The following IL17REL variants were observed in gnomAD, a reference collection of about 807,000 sequenced individuals.
IL17REL encodes interleukin-17 receptor E-like protein.
In IL17REL, 36 loss-of-function variants were observed where a neutral mutation model predicts 49.0. The ratio of observed to expected loss-of-function variants is 0.73; its 90% CI spans 0.56 to 0.97. The LOEUF (loss-of-function observed/expected upper bound fraction) is 0.97. IL17REL is among the 50% of genes least tolerant of loss of function. IL17REL has a pLI of 0.00. For missense variants in IL17REL, 470 were observed against 453.9 expected, an observed-to-expected ratio of 1.04 and a Z score of -0.32; for synonymous variants, 206 against 192.4, an observed-to-expected ratio of 1.07 and a Z score of -0.58.
In IL17REL at chr22:49,998,814, C is replaced by T. The variant is rs938088453; in HGVS notation, c.601+477G>A. Among the ~76,000 whole-genome samples, 5 of 145,394 alleles carry T rather than the reference C, an allele frequency of 3.4e-5. No individual in the cohort carries two copies. The South Asian group carries it at 8.8e-4, about 26-fold the overall frequency. On this transcript the variant is annotated intron_variant, in intron 7 of 12. Transcript: ENST00000341280. ...GCGTATGCATGGGTGTGCCTGCCTGCGCGTGGGTGTGCGTGTGCATGTGTA... is the reference window on the plus strand; with the variant it reads ...GCGTATGCATGGGTGTGCCTGCCTGTGCGTGGGTGTGCGTGTGCATGTGTA...
chr22:49,997,987 C>T (rs1343733261), intron 9 of IL17REL, 38 bp downstream of exon 11: 1 of 1,592,970 alleles, frequency 6.3e-7, no homozygotes, highest in Non-Finnish European at 8.5e-7. Flanking sequence ...CTGGCCCCTC[C>T]CCAAATAGGG....
In IL17REL at chr22:49,999,520, C is replaced by T. The variant is rs191055360; in HGVS notation, c.475-18G>A. 2.9e-3 allele frequency: 3,867 copies of T among 1,333,150 alleles called. 72 individuals are homozygous for T. In the African/African-American group the frequency reaches 0.048, roughly 17 times the overall value. The allele number at this position is 1,333,150 out of a possible 1,614,324, so 82.6% of individuals were successfully genotyped here. ...GCGGTCACCTGCAACCCAGAAAGGG[C>T]GGCTGAGGGGCCGCGCGGGAGGGCG... is the stretch of plus-strand genomic sequence containing the variant. On this transcript the variant is annotated intron_variant, in intron 5 of 12. Coordinates refer to ENST00000341280, the Ensembl canonical transcript of IL17REL.
downstream of IL17REL, among the ~76,000 whole-genome samples, chr22:49,994,349 C>T (rs914366185): frequency 2.6e-5 from 4 of 151,780 alleles, no homozygotes; most frequent in African/African-American, 9.7e-5. Context: ...AGACCCGGCA[C>T]CTCCCCTGAG....
Position 49,999,389 on chromosome 22 carries a change from C to T in IL17REL, c.546+42G>A, listed in dbSNP as rs752132627. 31 of 1,612,666 alleles carry T rather than the reference C, an allele frequency of 1.9e-5. No individual in the cohort carries two copies. The South Asian group carries it at 3.0e-4, about 15-fold the overall frequency. On this transcript the variant is annotated intron_variant, in intron 6 of 12. Coordinates refer to ENST00000341280, the Ensembl canonical transcript of IL17REL. ...TCAGCGCAGCCCACCCATCCCTGTG[C>T]TCCCCTCACCCGCCCCAAGTCCAGG...
upstream of IL17REL, among the ~76,000 whole-genome samples, chr22:50,010,617 G>A (rs2061134289): frequency 6.6e-6 from 1 of 152,360 alleles, no homozygotes; most frequent in Admixed American, 6.5e-5. Context: ...GTGGGCTGGA[G>A]AGGCGAAGGG....
intron 7 of IL17REL, among the ~76,000 whole-genome samples, chr22:49,998,514 CTA>C (rs2061051650): frequency 6.8e-6 from 1 of 147,514 alleles, no homozygotes; most frequent in African/African-American, 2.5e-5. Flanking sequence ...GTGCGTGCGC[CTA>C]TGTGTGTGCC....
chr22:50,010,883 G>A (rs1365085088), upstream of IL17REL, among the ~76,000 whole-genome samples: 1 of 151,798 alleles, frequency 6.6e-6, no homozygotes, highest in Non-Finnish European at 1.5e-5. Context: ...CGTGCTTCTC[G>A]GGGCTTCCCA....
upstream of IL17REL, among the ~76,000 whole-genome samples, chr22:50,009,687 C>G (rs1255322447): frequency 2.6e-5 from 4 of 152,230 alleles, no homozygotes; most frequent in Non-Finnish European, 5.9e-5. Context: ...ACCTGGACTT[C>G]TGCTCCTAGC....
In IL17REL at chr22:50,000,870, G is replaced by T. The variant is rs1265809394; in HGVS notation, c.110-7C>A. On this transcript the variant is annotated splice_polypyrimidine_tract_variant and splice_region_variant and intron_variant, in intron 2 of 12. Transcript: ENST00000341280. ...TCCAGGCCCCGCAGGCGCTCTGGGT[G>T]GAGGAAGGACCCGGCAGGGTGCATC... The T allele has an allele frequency of 3.3e-6, 5 of 1,535,048 alleles. No individual in the cohort carries two copies. The highest frequency in any genetic ancestry group is 4.4e-6 in the Non-Finnish European group (5 of 1,144,086).
exon 11 of IL17REL, chr22:49,997,335 C>A (rs148672889): frequency 6.2e-7 from 1 of 1,613,476 alleles, no homozygotes; most frequent in Non-Finnish European, 8.5e-7. Flanking sequence ...CTGAAGGGAG[C>A]GGGCTGGCCT....
intron 1 of IL17REL, among the ~76,000 whole-genome samples, chr22:50,006,385 G>A (rs375968397): frequency 1.1e-3 from 168 of 152,180 alleles, no homozygotes; most frequent in African/African-American, 4.0e-3. Context: ...AGGAGCAACA[G>A]GAATCCAGCC....
chr22:49,997,230 G>C lies in IL17REL; in HGVS notation c.974+90C>G, dbSNP rs1429201576. The C allele has an allele frequency of 1.4e-5, 21 of 1,457,594 alleles. No individual in the cohort carries two copies. The South Asian group carries it at 1.8e-4, about 12-fold the overall frequency. The allele number at this position is 1,457,594 out of a possible 1,614,324, so 90.3% of individuals were successfully genotyped here. On this transcript the variant is annotated intron_variant, in intron 11 of 12. Transcript: ENST00000341280. ...AGACCCTGGGTGGGCTCAGGGCCCGGGTGGGGCAGAGACCACCACAGGGAA... is the reference window on the plus strand; with the variant it reads ...AGACCCTGGGTGGGCTCAGGGCCCGCGTGGGGCAGAGACCACCACAGGGAA...
chr22:50,011,272 C>T (rs1242020760), upstream of IL17REL, among the ~76,000 whole-genome samples: 1 of 151,104 alleles, frequency 6.6e-6, no homozygotes, highest in Non-Finnish European at 1.5e-5. Flanking sequence ...TTCCTGGCCT[C>T]TTCCACCCGC....
intron 1 of IL17REL, among the ~76,000 whole-genome samples, chr22:50,001,636 G>A (rs750665028): frequency 6.6e-6 from 1 of 152,272 alleles, no homozygotes; most frequent in Non-Finnish European, 1.5e-5. Flanking sequence ...GCGACCCCAA[G>A]GTTGCTGCAG....
upstream of IL17REL, chr22:50,012,528 A>T (rs780582616): frequency 6.6e-6 from 1 of 152,412 alleles, no homozygotes; most frequent in Non-Finnish European, 1.5e-5. Flanking sequence ...GGGGCCTAGG[A>T]GGAGGCAGGA....
At chr22:50,003,198 G>A (rs989106431) in intron 1 of IL17REL, among the ~76,000 whole-genome samples, 1 of 152,174 alleles carries the variant, frequency 6.6e-6, no homozygotes, top group Admixed American at 6.5e-5. Context: ...GTGAGGGAAC[G>A]ACCAGAGGTG....
chr22:49,997,993 T>TA (rs2061047421), intron 9 of IL17REL, 32 bp downstream of exon 11: 2 of 1,565,300 alleles, frequency 1.3e-6, no homozygotes, highest in African/African-American at 2.8e-5. Flanking sequence ...CCTCCCCAAA[T>TA]AGGGCACTGG....
exon 10 of IL17REL, chr22:49,997,693 C>G: frequency 6.2e-7 from 1 of 1,613,892 alleles, no homozygotes; most frequent in Non-Finnish European, 8.5e-7. Context: ...ACTTGGGAAG[C>G]GACGCTGTTC....
At chr22:50,000,810 G>T in exon 3 of IL17REL, 1 of 1,603,802 alleles carries the variant, frequency 6.2e-7, no homozygotes. Context: ...CTCTGACACT[G>T]CGTCTCCTGG....
Sources: gnomAD v4.1 joint callset for allele counts (sites outside exome capture counted in the v4.1 genomes callset) on GRCh38, gnomAD v4.1.1 for gene constraint, MANE v1.5 for transcripts, NCBI Gene and HGNC (gene_info 2026-07-23, HGNC 2026-07-21) for gene names.